NAA35: variants seen among roughly 807,000 people sequenced by gnomAD.
The protein encoded by NAA35 is MAK10 homolog, amino-acid N-acetyltransferase subunit.
A neutral mutation model predicts 101.7 loss-of-function variants in NAA35; 18 were observed. The observed-to-expected ratio is 0.18, with a 90% CI of 0.12 to 0.26. The LOEUF is 0.26. Ranked by LOEUF, NAA35 falls within the 10% of genes least tolerant of loss-of-function variation. The pLI, the probability that NAA35 is intolerant of heterozygous loss-of-function variation, is 1.00. For missense variants in NAA35, 601 were observed against 886.8 expected (o/e 0.68, Z 4.09); for synonymous variants, 267 against 273.1 (o/e 0.98, Z 0.22).
At chr9:85,956,133 A>G (rs1829265175) in intron 2 of NAA35, among the ~76,000 whole-genome samples, 1 of 152,178 alleles carries the variant, frequency 6.6e-6, no homozygotes, top group Non-Finnish European at 1.5e-5. Context: ...TCTCAAAAGT[A>G]TTATTTTTTT....
intron 21 of NAA35, among the ~76,000 whole-genome samples, chr9:86,020,230 A>T (rs1020818665): frequency 1.3e-5 from 2 of 152,172 alleles, no homozygotes; most frequent in African/African-American, 4.8e-5. Flanking sequence ...TTTAAAAATT[A>T]TATGTACCAT....
intron 11 of NAA35, among the ~76,000 whole-genome samples, chr9:85,983,625 AAG>A (rs1347860879): frequency 6.6e-6 from 1 of 152,180 alleles, no homozygotes; most frequent in Non-Finnish European, 1.5e-5. Flanking sequence ...GAAAGGAAAA[AAG>A]GGGAATATGT....
At position 85,941,159 on chromosome 9, in the gene NAA35, C is replaced by T; in HGVS notation, c.-120C>T. On this transcript the variant is annotated 5_prime_UTR_variant, in exon 1 of 23. Transcript: ENST00000361671. ...CGCGTCCCGGGCATACGCATGCGTG[C>T]ACGCTGCCGGTCGGGCTGGGCTGAG... 1.0e-6 allele frequency: 1 copy of T among 985,970 alleles called. No individual in the cohort carries two copies. The highest frequency in any genetic ancestry group is 1.2e-6 in the Non-Finnish European group (1 of 830,232). The allele number at this position is 985,970 out of a possible 1,614,324, so 61.1% of individuals were successfully genotyped here.
chr9:86,017,165 T>G (rs1832269999), intron 18 of NAA35, among the ~76,000 whole-genome samples: 1 of 152,244 alleles, frequency 6.6e-6, no homozygotes, highest in Admixed American at 6.5e-5. Context: ...AAAATACTAC[T>G]TCATATTTCC....
At chr9:85,970,089 A>G (rs564427285) in intron 6 of NAA35, among the ~76,000 whole-genome samples, 1 of 152,070 alleles carries the variant, frequency 6.6e-6, no homozygotes. Flanking sequence ...GGCTTTTAAG[A>G]TGCTTTTCTT....
intron 3 of NAA35, among the ~76,000 whole-genome samples, chr9:85,958,056 C>T (rs1329298243): frequency 6.6e-6 from 1 of 152,068 alleles, no homozygotes; most frequent in Non-Finnish European, 1.5e-5. Flanking sequence ...ATTCTCCTGC[C>T]TCAGCCTCCC....
At chr9:86,014,068 A>G (rs544840044) in intron 17 of NAA35, among the ~76,000 whole-genome samples, 171 bp downstream of exon 17, 3 of 152,340 alleles carry the variant, frequency 2.0e-5, no homozygotes, top group African/African-American at 7.2e-5. Flanking sequence ...TTTAAGTGCT[A>G]TAATATTGCA....
chr9:85,999,239 G>A (rs1831310691), intron 12 of NAA35, among the ~76,000 whole-genome samples: 1 of 152,062 alleles, frequency 6.6e-6, no homozygotes. Context: ...CAAATTAGAT[G>A]ACTATAGTAG....
At position 85,946,644 on chromosome 9, in the gene NAA35, G is replaced by T. The variant is rs191060469; in HGVS notation, c.124+4361G>T. Among the ~76,000 whole-genome samples, 1,220 of 151,266 alleles carry T rather than the reference G, an allele frequency of 8.1e-3. 12 individuals carry two copies. The highest frequency in any genetic ancestry group is 0.013 in the Non-Finnish European group (859 of 67,936). ...TTTGAATGTGGCCCAACACAAATTC[G>T]TAAACTTTCTTAAAACGTTATGAGA... On this transcript the variant is annotated intron_variant, in intron 2 of 22. Transcript: ENST00000361671.
At chr9:85,993,528 T>G (rs972797513) in intron 11 of NAA35, among the ~76,000 whole-genome samples, 1 of 152,194 alleles carries the variant, frequency 6.6e-6, no homozygotes, top group African/African-American at 2.4e-5. Context: ...ATTGGAGTGA[T>G]AGACTGAGAA....
rs1392461841 is a variant in NAA35 at position 85,993,899 on chromosome 9, C to T, written c.878-2500C>T. 2.0e-5 allele frequency among the ~76,000 whole-genome samples: 3 copies of T among 152,144 alleles called. No individual in the cohort carries two copies. The East Asian group carries it at 5.8e-4, about 29-fold the overall frequency. On this transcript the variant is annotated intron_variant, in intron 11 of 22. Transcript: ENST00000361671. ...TCACGGCTCACTACAGCCTCATCGT[C>T]CTGTACTCAAGCTGTCCTCCCATCT...
intron 11 of NAA35, among the ~76,000 whole-genome samples, chr9:85,984,192 G>A (rs115093267): frequency 0.014 from 2,132 of 152,206 alleles, 50 homozygotes; most frequent in African/African-American, 0.047. Context: ...GCCAGGTGTG[G>A]TGGCATGTGC....
chr9:85,993,775 C>G (rs978931079), intron 11 of NAA35, among the ~76,000 whole-genome samples: 5 of 151,304 alleles, frequency 3.3e-5, no homozygotes, highest in African/African-American at 1.2e-4. Flanking sequence ...GCTTTTTTTT[C>G]TCTTAAACTC....
intron 18 of NAA35, 128 bp downstream of exon 18, chr9:86,016,803 G>T: frequency 1.1e-6 from 1 of 878,244 alleles, no homozygotes; most frequent in East Asian, 2.7e-5. Flanking sequence ...AAACTATAAG[G>T]TAGAGACTGA....
intron 5 of NAA35, among the ~76,000 whole-genome samples, chr9:85,961,650 G>C (rs1223820553): frequency 6.6e-6 from 1 of 152,146 alleles, no homozygotes; most frequent in Non-Finnish European, 1.5e-5. Context: ...TGGTGGTAAG[G>C]ATTATAAAGT....
chr9:86,003,978 G>A (rs937260539), intron 13 of NAA35, among the ~76,000 whole-genome samples: 4 of 152,118 alleles, frequency 2.6e-5, no homozygotes, highest in Non-Finnish European at 5.9e-5. Context: ...AGTAACACAT[G>A]GGTCAAAGAC....
intron 11 of NAA35, among the ~76,000 whole-genome samples, chr9:85,990,826 A>C (rs1405720732): frequency 1.3e-5 from 2 of 152,136 alleles, no homozygotes; most frequent in Non-Finnish European, 1.5e-5. Context: ...GGGTAGGTGG[A>C]GTGTACTTGT....
intron 15 of NAA35, among the ~76,000 whole-genome samples, chr9:86,011,483 G>A (rs1251004925): frequency 6.7e-6 from 1 of 150,322 alleles, no homozygotes. Flanking sequence ...CTCAGCATTC[G>A]GAGGAGCAGA....
intron 13 of NAA35, among the ~76,000 whole-genome samples, chr9:86,005,812 G>C (rs1429846056): frequency 6.6e-6 from 1 of 151,792 alleles, no homozygotes; most frequent in Non-Finnish European, 1.5e-5. Flanking sequence ...AATTCAACAT[G>C]GTAAATATTA....
Sources: allele counts gnomAD v4.1 joint callset (sites outside exome capture counted in the v4.1 genomes callset), GRCh38; gene constraint gnomAD v4.1.1; transcripts MANE v1.5; gene names NCBI Gene and HGNC (gene_info 2026-07-23, HGNC 2026-07-21).